NALF1: variants seen among roughly 807,000 people sequenced by gnomAD.
NALF1 encodes the protein family with sequence similarity 155 member A.
Under a neutral mutation model 48.4 loss-of-function variants are expected in NALF1, and 3 were observed. The observed-to-expected ratio is 0.06, with a 90% CI of 0.03 to 0.16. The LOEUF (loss-of-function observed/expected upper bound fraction) is 0.16. Ranked by LOEUF, NALF1 falls within the 10% of genes least tolerant of loss-of-function variation. NALF1 has a pLI of 1.00. For synonymous variants in NALF1, 262 were observed against 245.7 expected (o/e 1.07, Z -0.62); for missense variants, 526 against 571.5 (o/e 0.92, Z 0.81).
Position 107,671,360 on chromosome 13 carries a change from G to T in NALF1, c.915+194322C>A, listed in dbSNP as rs1458387351. On this transcript the variant is annotated intron_variant, in intron 1 of 2. Coordinates refer to ENST00000375915, the MANE Select transcript of NALF1 (RefSeq NM_001080396.3). ...AACAAAAATATATTTAAAAGCAGAAGGAAAGATGGATTATTCAAAGTTGGG... is the reference window on the plus strand; with the variant it reads ...AACAAAAATATATTTAAAAGCAGAATGAAAGATGGATTATTCAAAGTTGGG... Among the ~76,000 whole-genome samples the T allele has an allele frequency of 2.6e-5, 4 of 152,058 alleles. No individual in the cohort carries two copies. In the East Asian group the frequency reaches 5.8e-4, roughly 22 times the overall value.
At chr13:107,427,110 T>G (rs727940) in intron 1 of NALF1, among the ~76,000 whole-genome samples, 10,893 of 151,740 alleles carry the variant, frequency 0.072, 1,258 homozygotes, top group African/African-American at 0.25. Flanking sequence ...TTGTGTGATA[T>G]GAACATGTGT....
intron 1 of NALF1, among the ~76,000 whole-genome samples, chr13:107,769,527 C>G (rs1200046852): frequency 8.6e-6 from 1 of 116,598 alleles, no homozygotes; most frequent in Non-Finnish European, 1.6e-5. Flanking sequence ...ATATCGCACT[C>G]TGGGAACTGT....
chr13:107,175,757 T>C (rs1878913960), intron 2 of NALF1, among the ~76,000 whole-genome samples: 1 of 152,168 alleles, frequency 6.6e-6, no homozygotes. Flanking sequence ...GGGCACAGAC[T>C]CCTCCAGTTG....
chr13:107,756,729 T>C (rs534914907), intron 1 of NALF1, among the ~76,000 whole-genome samples: 16 of 151,948 alleles, frequency 1.1e-4, no homozygotes, highest in Admixed American at 5.9e-4. Context: ...CCTACGGAGG[T>C]GCAAAAAAGA....
intron 1 of NALF1, among the ~76,000 whole-genome samples, chr13:107,481,968 T>A (rs1358796561): frequency 6.6e-6 from 1 of 152,192 alleles, no homozygotes; most frequent in Non-Finnish European, 1.5e-5. Flanking sequence ...TGACATTGAT[T>A]ATCTTAGTGT....
intron 1 of NALF1, among the ~76,000 whole-genome samples, chr13:107,606,238 T>G (rs893894110): frequency 6.6e-6 from 1 of 151,656 alleles, no homozygotes; most frequent in Admixed American, 6.6e-5. Context: ...ACATGCTCAA[T>G]CTTACCAATG....
intron 1 of NALF1, among the ~76,000 whole-genome samples, chr13:107,825,982 T>C (rs1879504192): frequency 2.0e-5 from 3 of 152,212 alleles, no homozygotes; most frequent in African/African-American, 7.2e-5. Context: ...GGTTTCACCA[T>C]GTTGGTCAGG....
Position 107,428,987 on chromosome 13 carries a change from A to G in NALF1, c.916-218232T>C, listed in dbSNP as rs1884328949. On this transcript the variant is annotated intron_variant, in intron 1 of 2. Coordinates refer to ENST00000375915, the MANE Select transcript of NALF1 (RefSeq NM_001080396.3). ...TTTTGTGTCCTAATAATATAACCATATTTTTGAAATGCTTGCAGTCTGGAT... is the reference window on the plus strand; with the variant it reads ...TTTTGTGTCCTAATAATATAACCATGTTTTTGAAATGCTTGCAGTCTGGAT... 1.3e-5 allele frequency among the ~76,000 whole-genome samples: 2 copies of G among 152,166 alleles called. 1 individual carries two copies. Among genetic ancestry groups the G allele is most frequent in the South Asian group, 4.1e-4 (2 of 4,834 alleles).
intron 1 of NALF1, among the ~76,000 whole-genome samples, chr13:107,507,594 TAAAAAAAAA>T (rs548709767): frequency 0.41 from 35,443 of 86,132 alleles, 6,944 homozygotes; most frequent in Middle Eastern, 0.56. Context: ...TATTCTCCAT[TAAAAAAAAA>T]AAAAAAAAAA....
At chr13:107,483,330 A>C (rs1001409063) in intron 1 of NALF1, among the ~76,000 whole-genome samples, 2 of 152,160 alleles carry the variant, frequency 1.3e-5, no homozygotes, top group African/African-American at 4.8e-5. Context: ...GAAAACTAGA[A>C]GTATAATAAA....
intron 1 of NALF1, among the ~76,000 whole-genome samples, chr13:107,864,165 ATAAGT>A (rs765976939): frequency 1.3e-5 from 2 of 152,252 alleles, no homozygotes; most frequent in African/African-American, 2.4e-5. Context: ...ATTCCCAGGC[ATAAGT>A]TAAAGTGATA....
At chr13:107,241,537 C>T (rs551175479) in intron 1 of NALF1, among the ~76,000 whole-genome samples, 46 of 152,324 alleles carry the variant, frequency 3.0e-4, no homozygotes, top group African/African-American at 1.1e-3. Flanking sequence ...TTCCTTAAAC[C>T]CACTGTGCCT....
chr13:107,825,723 A>C (rs1262901050), intron 1 of NALF1, among the ~76,000 whole-genome samples: 1 of 152,238 alleles, frequency 6.6e-6, no homozygotes, highest in Non-Finnish European at 1.5e-5. Context: ...TTTAATAAGC[A>C]GTTATCACAA....
chr13:107,468,128 T>A (rs1166984898), intron 1 of NALF1, among the ~76,000 whole-genome samples: 1 of 152,086 alleles, frequency 6.6e-6, no homozygotes. Flanking sequence ...CCTCTGTCTG[T>A]TTTTCTGCCA....
rs184382047 is a variant in NALF1 at position 107,292,792 on chromosome 13, A to G, written c.916-82037T>C. Among the ~76,000 whole-genome samples the G allele has an allele frequency of 1.8e-3, 281 of 152,322 alleles. 2 individuals are homozygous for G. The Middle Eastern group carries it at 0.027, about 15-fold the overall frequency. The stretch of plus-strand genomic sequence containing the variant: ...AAATATAGCAAATATTTAAACCAGT[A>G]ACAATTATAATCATTATCAAAGATT... On this transcript the variant is annotated intron_variant, in intron 1 of 2. Coordinates refer to ENST00000375915, the MANE Select transcript of NALF1 (RefSeq NM_001080396.3).
At chr13:107,826,678 TG>T (rs1260211276) in intron 1 of NALF1, among the ~76,000 whole-genome samples, 3 of 152,208 alleles carry the variant, frequency 2.0e-5, no homozygotes, top group Non-Finnish European at 4.4e-5. Flanking sequence ...ATAAGACCAG[TG>T]GAGAAGACCA....
chr13:107,225,940 C>A (rs929437876), intron 1 of NALF1, among the ~76,000 whole-genome samples: 6 of 149,168 alleles, frequency 4.0e-5, no homozygotes, highest in African/African-American at 1.5e-4. Flanking sequence ...TGGAACTGGA[C>A]CTGAGCTATT....
At chr13:107,645,531 C>T (rs1258991656) in intron 1 of NALF1, among the ~76,000 whole-genome samples, 2 of 152,038 alleles carry the variant, frequency 1.3e-5, no homozygotes, top group Non-Finnish European at 2.9e-5. Context: ...GTATTTACAA[C>T]CTGTTTATCC....
At chr13:107,814,977 T>G (rs1879119690) in intron 1 of NALF1, among the ~76,000 whole-genome samples, 2 of 152,138 alleles carry the variant, frequency 1.3e-5, no homozygotes, top group African/African-American at 4.8e-5. Flanking sequence ...TACAAGTATG[T>G]TCTCTGATCA....
Sources: allele counts gnomAD v4.1 joint callset (sites outside exome capture counted in the v4.1 genomes callset), GRCh38; gene constraint gnomAD v4.1.1; transcripts MANE v1.5; gene names NCBI Gene and HGNC (gene_info 2026-07-23, HGNC 2026-07-21).